TPST1: variants seen among roughly 807,000 people sequenced by gnomAD.
The protein encoded by TPST1 is protein-tyrosine sulfotransferase 1.
Under a neutral mutation model 34.8 loss-of-function variants are expected in TPST1, and 20 were observed. The observed-to-expected ratio is 0.57, with a 90% CI of 0.40 to 0.84. The LOEUF (loss-of-function observed/expected upper bound fraction) is 0.84. TPST1 is among the 40% of genes least tolerant of loss of function. TPST1 has a pLI of 0.00. For synonymous variants in TPST1, 152 were observed against 159.4 expected, an observed-to-expected ratio of 0.95 and a Z score of 0.35; for missense variants, 353 against 455.5, an observed-to-expected ratio of 0.78 and a Z score of 2.05.
intron 1 of TPST1, among the ~76,000 whole-genome samples, chr7:66,228,600 T>G (rs1262427516): frequency 6.6e-6 from 1 of 152,184 alleles, no homozygotes; most frequent in Non-Finnish European, 1.5e-5. Flanking sequence ...TCCATAAGCT[T>G]ATTGGATCCA....
At chr7:66,238,493 T>C (rs1196963517) in intron 1 of TPST1, among the ~76,000 whole-genome samples, 1 of 151,712 alleles carries the variant, frequency 6.6e-6, no homozygotes, top group Non-Finnish European at 1.5e-5. Context: ...CCTGCGTTAG[T>C]GAGACCTGGC....
intron 3 of TPST1, among the ~76,000 whole-genome samples, chr7:66,298,817 T>C (rs569673929): frequency 1.3e-5 from 2 of 152,268 alleles, no homozygotes; most frequent in Non-Finnish European, 2.9e-5. Context: ...TGCACATTTT[T>C]TATATTGTAA....
At chr7:66,293,928 C>T (rs1348314585) in intron 3 of TPST1, among the ~76,000 whole-genome samples, 1 of 152,156 alleles carries the variant, frequency 6.6e-6, no homozygotes, top group African/African-American at 2.4e-5. Flanking sequence ...TATATTATTT[C>T]AGAAAGTGCT....
chr7:66,324,845 C>T (rs1197826689), intron 3 of TPST1, among the ~76,000 whole-genome samples: 2 of 146,682 alleles, frequency 1.4e-5, no homozygotes, highest in Admixed American at 1.4e-4. Context: ...ACAAAACACT[C>T]ATATCTGAAA....
intron 1 of TPST1, among the ~76,000 whole-genome samples, chr7:66,235,039 T>G (rs1468096539): frequency 6.6e-6 from 1 of 152,162 alleles, no homozygotes. Flanking sequence ...TATTGTATAA[T>G]AGGATCGACT....
intron 3 of TPST1, among the ~76,000 whole-genome samples, chr7:66,313,347 G>A (rs772308608): frequency 2.4e-4 from 37 of 152,244 alleles, no homozygotes; most frequent in Non-Finnish European, 4.4e-4. Context: ...CTCGGGAGGC[G>A]GAGGTTGCAG....
chr7:66,325,039 A>G (rs1388899952), intron 3 of TPST1, among the ~76,000 whole-genome samples: 1 of 152,160 alleles, frequency 6.6e-6, no homozygotes, highest in East Asian at 1.9e-4. Context: ...AAGACGGGGT[A>G]ATTTATAAAG....
chr7:66,339,734 T>G (rs1481471464), intron 3 of TPST1, among the ~76,000 whole-genome samples: 1 of 150,872 alleles, frequency 6.6e-6, no homozygotes, highest in Non-Finnish European at 1.5e-5. Flanking sequence ...ACCTATTCGG[T>G]ACTATGCTTA....
chr7:66,296,258 TCCCCCA>T (rs1429804770), intron 3 of TPST1, among the ~76,000 whole-genome samples: 2 of 12,446 alleles, frequency 1.6e-4, no homozygotes, highest in African/African-American at 6.6e-4. Flanking sequence ...CCCCCCCCCC[TCCCCCA>T]CCGTCTCTGC....
At chr7:66,359,440 C>A (rs1412163092) in intron 5 of TPST1, 1 of 161,822 alleles carries the variant, frequency 6.2e-6, no homozygotes, top group African/African-American at 2.4e-5. Context: ...ACTTGAAGAA[C>A]CTTAGGACCC....
At chr7:66,220,454 A>G (rs567300054) in intron 1 of TPST1, among the ~76,000 whole-genome samples, 1 of 152,180 alleles carries the variant, frequency 6.6e-6, no homozygotes, top group South Asian at 2.1e-4. Flanking sequence ...GAGATGTGAT[A>G]TAGGGTAAAT....
At chr7:66,354,625 C>T (rs1759298482) in intron 4 of TPST1, among the ~76,000 whole-genome samples, 1 of 151,122 alleles carries the variant, frequency 6.6e-6, no homozygotes, top group Non-Finnish European at 1.5e-5. Context: ...TAAAGGGACA[C>T]TCCTGCTTCA....
intron 2 of TPST1, among the ~76,000 whole-genome samples, chr7:66,260,895 A>AGC (rs905381803): frequency 1.2e-4 from 18 of 152,194 alleles, no homozygotes; most frequent in African/African-American, 3.9e-4. Flanking sequence ...GGTAAGAGCA[A>AGC]GCACTATTCC....
At chr7:66,283,902 C>T (rs1040247477) in intron 2 of TPST1, among the ~76,000 whole-genome samples, 5 of 152,216 alleles carry the variant, frequency 3.3e-5, no homozygotes, top group African/African-American at 1.2e-4. Context: ...CCTAGTCAGT[C>T]ATCTTTGTAT....
chr7:66,324,399 T>C (rs1356372888), intron 3 of TPST1, among the ~76,000 whole-genome samples: 2 of 152,230 alleles, frequency 1.3e-5, no homozygotes, highest in African/African-American at 4.8e-5. Flanking sequence ...TTAGCTGTGG[T>C]TTGCACATTT....
In TPST1 at chr7:66,315,516, G is replaced by A. The variant is rs147431368; in HGVS notation, c.1044+28807G>A. On this transcript the variant is annotated intron_variant, in intron 3 of 5. Transcript: ENST00000304842. ...CTGGGTGATGCAATCTGGAGAGCTT[G>A]ACCTCCTGGGGCACAGAAGGTGTTG... is the stretch of plus-strand genomic sequence containing the variant. Among the ~76,000 whole-genome samples the A allele has an allele frequency of 3.2e-4, 49 of 152,350 alleles. No homozygotes were observed. In the South Asian group the frequency reaches 4.8e-3, roughly 15 times the overall value.
intron 2 of TPST1, among the ~76,000 whole-genome samples, chr7:66,269,883 A>G (rs1157283620): frequency 1.3e-5 from 2 of 152,178 alleles, no homozygotes; most frequent in African/African-American, 4.8e-5. Flanking sequence ...AAGCAGGCAA[A>G]AATTCCAGCC....
In TPST1 at chr7:66,255,845, T is replaced by TAA. The variant is rs541917740; in HGVS notation, c.845+14584_845+14585dup. 7.4e-5 allele frequency among the ~76,000 whole-genome samples: 11 copies of TAA among 148,824 alleles called. No individual in the cohort carries two copies. The East Asian group carries it at 2.0e-3, about 26-fold the overall frequency. On this transcript the variant is annotated intron_variant, in intron 2 of 5. Transcript: ENST00000304842. ...TAGTACTGTCAAATTCTCTTCTGCT[T>TAA]AAAAAAAAAACCAACTAGATTTAAG...
At chr7:66,310,789 C>CA (rs1791514593) in intron 3 of TPST1, among the ~76,000 whole-genome samples, 1 of 148,880 alleles carries the variant, frequency 6.7e-6, no homozygotes, top group South Asian at 2.1e-4. Context: ...ATTTCTTGTG[C>CA]CTAAATTTGA....
Sources: gnomAD v4.1 joint callset for allele counts (sites outside exome capture counted in the v4.1 genomes callset) on GRCh38, gnomAD v4.1.1 for gene constraint, MANE v1.5 for transcripts, NCBI Gene and HGNC (gene_info 2026-07-23, HGNC 2026-07-21) for gene names.